Variants in AVEN observed in about 807,000 individuals in gnomAD.
AVEN encodes cell death regulator Aven.
A neutral mutation model predicts 38.1 loss-of-function variants in AVEN; 41 were observed. That is an observed-to-expected ratio of 1.08 (90% confidence interval 0.84 to 1.40). AVEN has a LOEUF of 1.40. AVEN is among the 40% of genes most tolerant of loss of function. The pLI, the probability that AVEN is intolerant of heterozygous loss-of-function variation, is 0.00. For missense variants in AVEN, 605 were observed against 438.8 expected (o/e 1.38, Z -3.38); for synonymous variants, 206 against 171.8 (o/e 1.20, Z -1.56).
chr15:33,980,799 T>C (rs1199173272), intron 2 of AVEN, among the ~76,000 whole-genome samples: 1 of 152,186 alleles, frequency 6.6e-6, no homozygotes, highest in African/African-American at 2.4e-5. Context: ...ATGTGTACCA[T>C]ATGCAAAACA....
chr15:34,013,064 T>G (rs1270734694), intron 1 of AVEN, among the ~76,000 whole-genome samples: 2 of 146,484 alleles, frequency 1.4e-5, no homozygotes, highest in Admixed American at 6.8e-5. Flanking sequence ...TTTTTTTGTT[T>G]GTTTGTTTGT....
At chr15:34,032,023 G>GCGCACACA (rs1555518610) in intron 1 of AVEN, among the ~76,000 whole-genome samples, 17 of 149,042 alleles carry the variant, frequency 1.1e-4, no homozygotes, top group Non-Finnish European at 1.8e-4. Context: ...GCGCGCACAC[G>GCGCACACA]CACACACACA....
rs751557522 is a variant in AVEN, at chr15:33,867,682, C to T, written c.786G>A (p.Pro262=). The T allele has an allele frequency of 6.8e-6, 11 of 1,613,998 alleles. No homozygotes were observed. Among genetic ancestry groups the T allele is most frequent in the East Asian group, 2.2e-5 (1 of 44,890 alleles). The part of the protein sequence containing the change: ...PVLLGKDNPS[P]GPSRDSQKPT... ...GTTTCTGAGAATCCCTTGAAGGACCCGGGCTTGGGTTGTCTTTGCCCAGCA... is the reference window on the plus strand; with the variant it reads ...GTTTCTGAGAATCCCTTGAAGGACCTGGGCTTGGGTTGTCTTTGCCCAGCA... Residue 262 remains proline (P), a synonymous_variant, in exon 5 of 6, where the codon CCG becomes CCA. Transcript: ENST00000306730.
At chr15:34,070,603 A>C (rs550670786) in exon 2 of AVEN, among the ~76,000 whole-genome samples, 1 of 152,228 alleles carries the variant, frequency 6.6e-6, no homozygotes, top group Admixed American at 6.5e-5. Context: ...TGAAGTGATC[A>C]CTTGGATACA....
chr15:33,889,458 A>T (rs1159487126), intron 2 of AVEN, among the ~76,000 whole-genome samples: 1 of 152,152 alleles, frequency 6.6e-6, no homozygotes, highest in Non-Finnish European at 1.5e-5. Flanking sequence ...ACTCTAAAAT[A>T]ATATTAGACT....
chr15:34,038,912 CCCG>C lies in AVEN; in HGVS notation c.132_134del (p.Gly45del). The C allele has an allele frequency of 1.8e-6, 2 of 1,111,798 alleles. No homozygotes were observed. Among genetic ancestry groups the C allele is most frequent in the Non-Finnish European group, 2.2e-6 (2 of 915,876 alleles). The allele number at this position is 1,111,798 out of a possible 1,614,324, so 68.9% of individuals were successfully genotyped here. On this transcript the variant is annotated inframe_deletion, in exon 1 of 6. Coordinates refer to ENST00000306730, the MANE Select transcript of AVEN (RefSeq NM_020371.3). Reference sequence around the variant, plus strand: ...CACGGCCCCGGCGTCCGCCTCCGTCCCCGCCGCCGCCTCCGCCGCCGCCTCTGG... The same window carrying C: ...CACGGCCCCGGCGTCCGCCTCCGTCCCCGCCGCCTCCGCCGCCGCCTCTGG...
At chr15:33,997,062 A>C (rs1467920305) in intron 2 of AVEN, among the ~76,000 whole-genome samples, 1 of 152,252 alleles carries the variant, frequency 6.6e-6, no homozygotes, top group Non-Finnish European at 1.5e-5. Flanking sequence ...GCAAACAATA[A>C]AATGTAACAT....
At chr15:33,887,444 T>C (rs1195794716) in intron 2 of AVEN, among the ~76,000 whole-genome samples, 2 of 152,236 alleles carry the variant, frequency 1.3e-5, no homozygotes, top group African/African-American at 2.4e-5. Context: ...TCCAGCAGAA[T>C]GTAACAGCTT....
chr15:34,011,439 G>A (rs1266257043), intron 1 of AVEN, among the ~76,000 whole-genome samples: 3 of 152,252 alleles, frequency 2.0e-5, no homozygotes, highest in East Asian at 1.9e-4. Context: ...GCATATATGT[G>A]AATTATCTCT....
intron 2 of AVEN, among the ~76,000 whole-genome samples, chr15:33,904,644 C>G (rs929676028): frequency 3.7e-4 from 56 of 149,818 alleles, no homozygotes; most frequent in African/African-American, 1.4e-3. Flanking sequence ...AACTCCTGAC[C>G]TCAGGTAATC....
chr15:33,902,005 T>A (rs1892515195), intron 2 of AVEN, among the ~76,000 whole-genome samples: 1 of 152,226 alleles, frequency 6.6e-6, no homozygotes, highest in Non-Finnish European at 1.5e-5. Flanking sequence ...GTTTTGTTTG[T>A]TTTGCTGTGC....
intron 2 of AVEN, among the ~76,000 whole-genome samples, chr15:33,961,614 C>G (rs1024870578): frequency 4.8e-4 from 73 of 151,474 alleles, no homozygotes; most frequent in African/African-American, 1.0e-3. Flanking sequence ...GAGATCGAGA[C>G]CATTCTGGCT....
chr15:34,048,149 T>C (rs1001150897), intron 5 of AVEN, among the ~76,000 whole-genome samples: 1 of 152,224 alleles, frequency 6.6e-6, no homozygotes, highest in Admixed American at 6.5e-5. Context: ...GTGCTGGGAT[T>C]ACAGGCGTAA....
At chr15:34,000,353 G>A (rs2140614191) in intron 2 of AVEN, among the ~76,000 whole-genome samples, 1 of 152,116 alleles carries the variant, frequency 6.6e-6, no homozygotes, top group Non-Finnish European at 1.5e-5. Flanking sequence ...TGGAACAATG[G>A]GTACTTAAAT....
At chr15:33,864,081 T>C (rs1889525324), downstream of AVEN, 7 of 1,296,290 alleles carry the variant, frequency 5.4e-6, no homozygotes, top group East Asian at 7.0e-5. Flanking sequence ...AGTTAATCCA[T>C]GCGAATGAAC....
At chr15:34,024,369 G>C (rs998514721) in intron 1 of AVEN, among the ~76,000 whole-genome samples, 2 of 151,812 alleles carry the variant, frequency 1.3e-5, no homozygotes, top group East Asian at 3.9e-4. Context: ...ACCTCTGAAG[G>C]CTGGGCGTGG....
intron 2 of AVEN, among the ~76,000 whole-genome samples, chr15:33,975,345 G>C (rs947416915): frequency 6.6e-6 from 1 of 152,180 alleles, no homozygotes; most frequent in Non-Finnish European, 1.5e-5. Context: ...ATTTTCTAGA[G>C]CAAGAGGGCA....
chr15:33,946,490 C>A (rs1894512859), intron 2 of AVEN, among the ~76,000 whole-genome samples: 2 of 152,124 alleles, frequency 1.3e-5, no homozygotes, highest in Non-Finnish European at 2.9e-5. Flanking sequence ...GTTCTAGATG[C>A]CCAGAAATCT....
chr15:33,933,524 C>CACACACACACACACAGAG (rs1893945145), intron 2 of AVEN, among the ~76,000 whole-genome samples: 58 of 46,644 alleles, frequency 1.2e-3, no homozygotes, highest in South Asian at 2.3e-3. Context: ...CACACACACA[C>CACACACACACACACAGAG]AGAGAGAGAG....
Sources: allele counts gnomAD v4.1 joint callset (sites outside exome capture counted in the v4.1 genomes callset), GRCh38; gene constraint gnomAD v4.1.1; transcripts MANE v1.5; gene names NCBI Gene and HGNC (gene_info 2026-07-23, HGNC 2026-07-21).